Variants in LRRIQ3 observed in about 807,000 individuals in gnomAD.
LRRIQ3 encodes the protein leucine rich repeats and IQ motif containing 3.
In LRRIQ3, 75 loss-of-function variants were observed where a neutral mutation model predicts 59.3. That is an observed-to-expected ratio of 1.26 (90% confidence interval 1.05 to 1.53). The LOEUF (loss-of-function observed/expected upper bound fraction) is 1.53, where lower values mean the gene tolerates loss of function less well. Among genes scored for constraint, LRRIQ3 ranks in the 40% most tolerant of loss-of-function variants. The probability of loss-of-function intolerance (pLI) is 0.00; values close to 1 mark genes in which losing one functional copy is unlikely to be tolerated. For synonymous variants in LRRIQ3, 250 were observed against 231.3 expected (o/e 1.08, Z -0.73); for missense variants, 831 against 710.0 (o/e 1.17, Z -1.94).
intron 7 of LRRIQ3, among the ~76,000 whole-genome samples, chr1:74,037,083 GTTTATATACAACC>G (rs1653895336): frequency 6.6e-6 from 1 of 152,068 alleles, no homozygotes; most frequent in African/African-American, 2.4e-5. Flanking sequence ...ACTTAAATGA[GTTTATATACAACC>G]TTTACTAATT....
intron 5 of LRRIQ3, among the ~76,000 whole-genome samples, chr1:74,108,320 G>T (rs1646641862): frequency 6.6e-6 from 1 of 151,718 alleles, no homozygotes; most frequent in South Asian, 2.1e-4. Flanking sequence ...TAATTTAGAT[G>T]AACTTTATAA....
intron 5 of LRRIQ3, among the ~76,000 whole-genome samples, chr1:74,086,220 A>C (rs1646326165): frequency 6.6e-6 from 1 of 151,992 alleles, no homozygotes; most frequent in Non-Finnish European, 1.5e-5. Context: ...GTTTCTTCAA[A>C]CTTGACATCT....
chr1:74,180,451 T>A, intron 3 of LRRIQ3: 1 of 362,080 alleles, frequency 2.8e-6, no homozygotes, highest in South Asian at 5.6e-5. Flanking sequence ...TTCCAATGTC[T>A]AGTTATTATT....
At chr1:74,057,766 G>A (rs967029251) in intron 6 of LRRIQ3, among the ~76,000 whole-genome samples, 4 of 152,060 alleles carry the variant, frequency 2.6e-5, no homozygotes, top group Non-Finnish European at 5.9e-5. Flanking sequence ...CTGAAAAGCT[G>A]CTGCACAGCA....
intron 6 of LRRIQ3, among the ~76,000 whole-genome samples, chr1:74,068,749 C>T (rs913554598): frequency 2.0e-5 from 3 of 151,822 alleles, no homozygotes; most frequent in African/African-American, 7.3e-5. Flanking sequence ...CTTAATTGCT[C>T]ATCTGGAGTA....
chr1:74,173,479 C>T (rs894070588), intron 3 of LRRIQ3, among the ~76,000 whole-genome samples: 1 of 151,772 alleles, frequency 6.6e-6, no homozygotes, highest in Non-Finnish European at 1.5e-5. Flanking sequence ...TTTTATACTG[C>T]TATGCTTTGA....
chr1:74,167,083 G>A (rs189714077), intron 3 of LRRIQ3, among the ~76,000 whole-genome samples: 2 of 152,016 alleles, frequency 1.3e-5, no homozygotes, highest in Admixed American at 6.6e-5. Context: ...ATTAGATACA[G>A]CAATCCCACT....
intron 5 of LRRIQ3, among the ~76,000 whole-genome samples, chr1:74,085,688 T>C (rs1193649969): frequency 6.6e-6 from 1 of 151,982 alleles, no homozygotes; most frequent in Non-Finnish European, 1.5e-5. Flanking sequence ...CAGAATTTAA[T>C]TTAAGGCAAA....
At chr1:74,070,612 A>G (rs2100467548) in intron 6 of LRRIQ3, among the ~76,000 whole-genome samples, 1 of 152,030 alleles carries the variant, frequency 6.6e-6, no homozygotes, top group South Asian at 2.1e-4. Flanking sequence ...CTGCATATGT[A>G]CCCCTGAACT....
intron 4 of LRRIQ3, among the ~76,000 whole-genome samples, chr1:74,154,300 G>C (rs1042422531): frequency 4.9e-5 from 7 of 142,094 alleles, no homozygotes; most frequent in African/African-American, 1.3e-4. Flanking sequence ...ACTTTTGTCA[G>C]GTGCTAAGAG....
Position 74,109,428 on chromosome 1 carries a change from G to A in LRRIQ3, c.833C>T (p.Thr278Ile). The A allele has an allele frequency of 6.4e-7, 1 of 1,556,520 alleles. No individual in the cohort carries two copies. The highest frequency in any genetic ancestry group is 8.7e-7 in the Non-Finnish European group (1 of 1,149,332). Residue 278 changes from threonine (T) to isoleucine (I), a missense_variant, in exon 5 of 8, where the codon ACT becomes ATT. Thr to Ile is a moderately conservative substitution (Grantham distance 89, BLOSUM62 -1). Transcript: ENST00000354431. ...LLKDLFFKPE[T>I]NIKGKLAYWK... ...ATATGCAAGCTTTCCTTTTATATTAGTTTCAGGTTTGAAAAAGAGATCCTT... is the reference window on the plus strand; with the variant it reads ...ATATGCAAGCTTTCCTTTTATATTAATTTCAGGTTTGAAAAAGAGATCCTT...
intron 4 of LRRIQ3, among the ~76,000 whole-genome samples, chr1:74,127,266 A>T (rs966787704): frequency 1.3e-5 from 2 of 151,826 alleles, no homozygotes; most frequent in African/African-American, 4.8e-5. Context: ...CTTACTGGTA[A>T]CCAATCATTG....
chr1:74,033,307 C>A (rs988233440), intron 7 of LRRIQ3, among the ~76,000 whole-genome samples: 2 of 151,892 alleles, frequency 1.3e-5, no homozygotes, highest in African/African-American at 4.8e-5. Flanking sequence ...AATGAAAGAA[C>A]TTTAGAGACA....
chr1:74,085,844 T>C (rs1279392749), intron 5 of LRRIQ3, among the ~76,000 whole-genome samples: 2 of 152,062 alleles, frequency 1.3e-5, no homozygotes, highest in Non-Finnish European at 2.9e-5. Flanking sequence ...CTCTCAATAA[T>C]TGACTGATTG....
At chr1:74,093,591 T>C (rs751872012) in intron 5 of LRRIQ3, among the ~76,000 whole-genome samples, 12 of 152,120 alleles carry the variant, frequency 7.9e-5, no homozygotes, top group Admixed American at 1.3e-4. Flanking sequence ...GAATTAAGTT[T>C]AGCTGCAAGT....
At chr1:74,108,471 A>T (rs1646643659) in intron 5 of LRRIQ3, among the ~76,000 whole-genome samples, 1 of 151,752 alleles carries the variant, frequency 6.6e-6, no homozygotes, top group African/African-American at 2.4e-5. Context: ...CGATTTAAGG[A>T]GTTGAGAACA....
intron 1 of LRRIQ3, among the ~76,000 whole-genome samples, chr1:74,191,158 A>C (rs1385759837): frequency 1.3e-5 from 2 of 152,202 alleles, no homozygotes; most frequent in African/African-American, 4.8e-5. Flanking sequence ...ATTCGAGATA[A>C]AATATATGCT....
At chr1:74,197,531 T>C (rs945288333) in intron 1 of LRRIQ3, among the ~76,000 whole-genome samples, 23 of 152,174 alleles carry the variant, frequency 1.5e-4, no homozygotes, top group African/African-American at 5.3e-4. Flanking sequence ...AAGAGTGTTA[T>C]TGAACATTCT....
intron 6 of LRRIQ3, among the ~76,000 whole-genome samples, chr1:74,048,244 T>C (rs1654261316): frequency 6.6e-6 from 1 of 152,182 alleles, no homozygotes; most frequent in Non-Finnish European, 1.5e-5. Context: ...TATTAATGGA[T>C]AATAGGAGTG....
Sources: gnomAD v4.1 joint callset for allele counts (sites outside exome capture counted in the v4.1 genomes callset) on GRCh38, gnomAD v4.1.1 for gene constraint, MANE v1.5 for transcripts, NCBI Gene and HGNC (gene_info 2026-07-23, HGNC 2026-07-21) for gene names.